The following ARRDC2 variants were observed in gnomAD, a reference collection of about 807,000 sequenced individuals.
The protein encoded by ARRDC2 is arrestin domain-containing protein 2.
Under a neutral mutation model 38.9 loss-of-function variants are expected in ARRDC2, and 39 were observed. The ratio of observed to expected loss-of-function variants is 1.00; its 90% CI spans 0.78 to 1.31. ARRDC2 has a LOEUF of 1.31. ARRDC2 is among the 50% of genes most tolerant of loss of function. The pLI is 0.00. For synonymous variants in ARRDC2, 300 were observed against 261.9 expected (o/e 1.15, Z -1.41); for missense variants, 553 against 588.4 (o/e 0.94, Z 0.62).
At chr19:18,005,433 C>T (rs2033252369), upstream of ARRDC2, among the ~76,000 whole-genome samples, 1 of 152,150 alleles carries the variant, frequency 6.6e-6, no homozygotes, top group South Asian at 2.1e-4. Flanking sequence ...TCAATCTTTT[C>T]CCCACCTTTC....
At chr19:18,008,133 C>CCCCCCCCCAAAAAAAA, upstream of ARRDC2, 13 of 1,290,740 alleles carry the variant, frequency 1.0e-5, no homozygotes, top group Non-Finnish European at 1.3e-5. Flanking sequence ...CCCCCCCCGC[C>CCCCCCCCCAAAAAAAA]CTGCCGTATA....
At chr19:18,004,691 CT>C (rs2033237775), upstream of ARRDC2, among the ~76,000 whole-genome samples, 1 of 145,322 alleles carries the variant, frequency 6.9e-6, no homozygotes, top group Non-Finnish European at 1.5e-5. Context: ...GAGACCCTGT[CT>C]CAAAAAAAAA....
upstream of ARRDC2, chr19:18,008,036 T>G: frequency 1.1e-6 from 1 of 917,674 alleles, no homozygotes. Flanking sequence ...CGTTTGTTAT[T>G]TTGCTCCACG....
At chr19:18,008,094 C>T, upstream of ARRDC2, 1 of 1,209,664 alleles carries the variant, frequency 8.3e-7, no homozygotes, top group Middle Eastern at 3.1e-4. Flanking sequence ...GAGTCCCTTC[C>T]CGGGGCGGGG....
intron 7 of ARRDC2, among the ~76,000 whole-genome samples, chr19:18,011,483 C>T (rs992799119): frequency 2.0e-5 from 3 of 152,144 alleles, no homozygotes; most frequent in Non-Finnish European, 2.9e-5. Context: ...AGTCGGCCCT[C>T]TGCGTTAGCT....
Position 18,008,778 on chromosome 19 carries a change from G to A in ARRDC2, c.341+1G>A, listed in dbSNP as rs776064808. 12 of 1,613,190 alleles carry A rather than the reference G, an allele frequency of 7.4e-6. No individual in the cohort carries two copies. The highest frequency in any genetic ancestry group is 2.2e-5 in the East Asian group (1 of 44,880). On this transcript the variant is annotated splice_donor_variant, in intron 2 of 7. Coordinates refer to ENST00000222250, the MANE Select transcript of ARRDC2 (RefSeq NM_015683.2). LOFTEE classifies it high-confidence loss of function. ...TCCTGTTCAGCTTCCAGCTGCCCCC[G>A]TAAGTCCTCTGGGGTGCAGGGTTGC...
intron 7 of ARRDC2, among the ~76,000 whole-genome samples, chr19:18,011,773 C>T (rs990758595): frequency 1.3e-5 from 2 of 151,456 alleles, no homozygotes; most frequent in Non-Finnish European, 2.9e-5. Flanking sequence ...GCAGGAGGAT[C>T]GCTTGAGCCC....
exon 1 of ARRDC2, chr19:18,001,314 C>T: frequency 8.3e-7 from 1 of 1,198,346 alleles, no homozygotes; most frequent in Admixed American, 4.2e-5. Flanking sequence ...AGCCGCGCGC[C>T]ATGCGCTCTG....
In ARRDC2 at chr19:18,008,280, C is replaced by G. The variant is rs748570095; in HGVS notation, c.-31C>G. The stretch of plus-strand genomic sequence containing the variant: ...CGGTTCGCGAGTTCGAGGCCAGGTT[C>G]CGCCTGTCGTGGGTTCGCACCCCGG... On this transcript the variant is annotated 5_prime_UTR_variant, in exon 1 of 8. Transcript: ENST00000222250. 5.1e-6 allele frequency: 8 copies of G among 1,578,744 alleles called. No individual in the cohort carries two copies. In the South Asian group the frequency reaches 7.8e-5, roughly 15 times the overall value.
chr19:18,007,452 G>C (rs1171033375), upstream of ARRDC2: 1 of 152,324 alleles, frequency 6.6e-6, no homozygotes, highest in East Asian at 1.9e-4. Flanking sequence ...GCCGAGGCGC[G>C]ACCGAGTGAC....
intron 3 of ARRDC2, 129 bp downstream of exon 3, chr19:18,009,247 G>C: frequency 2.7e-6 from 3 of 1,116,134 alleles, no homozygotes; most frequent in South Asian, 1.5e-5. Context: ...GCAGGTGTGG[G>C]AATGCGTGTG....
At position 18,010,247 on chromosome 19, in the gene ARRDC2, G is replaced by T. The variant is rs2033384461; in HGVS notation, c.901G>T (p.Val301Leu). The T allele has an allele frequency of 6.2e-7, 1 of 1,613,934 alleles. No individual in the cohort carries two copies. The highest frequency in any genetic ancestry group is 1.7e-5 in the Admixed American group (1 of 60,022). Reference sequence around the variant, plus strand: ...CAAGCTGCTGCTGGAGCTGCCACTGGTGATCGGCACCATTCCCTTGCACCC... The same window carrying T: ...CAAGCTGCTGCTGGAGCTGCCACTGTTGATCGGCACCATTCCCTTGCACCC... The part of the protein sequence containing the change: ...TSKLLLELPL[V>L]IGTIPLHPFG... Residue 301 changes from valine to leucine, a missense_variant, in exon 6 of 8, where the codon GTG (valine) becomes TTG (leucine). Val to Leu is a conservative substitution (Grantham distance 32). Coordinates refer to ENST00000222250, the MANE Select transcript of ARRDC2 (RefSeq NM_015683.2).
intron 3 of ARRDC2, 136 bp downstream of exon 3, chr19:18,009,254 T>TGCAGATCCCA: frequency 9.5e-7 from 1 of 1,052,654 alleles, no homozygotes; most frequent in South Asian, 1.5e-5. Context: ...TGGGAATGCG[T>TGCAGATCCCA]GTGGAATCCA....
upstream of ARRDC2, chr19:18,007,208 A>G (rs1403129904): frequency 6.6e-6 from 1 of 152,284 alleles, no homozygotes; most frequent in Non-Finnish European, 1.5e-5. Flanking sequence ...GAGAAACTCC[A>G]TGCGACTTTT....
In ARRDC2 at chr19:18,008,586, T is replaced by TA. The variant is rs771567731; in HGVS notation, c.274+3dup. ...ACCGCGCCACGCTCCTGGCGCCAGG[T>TA]ACGGATGGAGGACCCCTGCTCCAAC... On this transcript the variant is annotated splice_region_variant and intron_variant, in intron 1 of 7. Transcript: ENST00000222250. 3.4e-4 allele frequency: 546 copies of TA among 1,589,622 alleles called. 2 individuals carry two copies. In the Middle Eastern group the frequency reaches 6.3e-3, roughly 18 times the overall value.
intron 3 of ARRDC2, 21 bp downstream of exon 3, chr19:18,009,139 A>T: frequency 6.2e-7 from 1 of 1,611,494 alleles, no homozygotes; most frequent in South Asian, 1.1e-5. Context: ...ACCCTTGGGG[A>T]GGTAGGTTGG....
In ARRDC2 at chr19:18,009,044, TG is replaced by T; in HGVS notation, c.418del (p.Val140SerfsTer44). ...YCIKATLHRP[W>X]VPARRARKVF... ...TATCAAGGCCACCCTGCACCGGCCCTGGGTCCCAGCACGCCGGGCAAGGAAG... is the reference window on the plus strand; with the variant it reads ...TATCAAGGCCACCCTGCACCGGCCCTGGTCCCAGCACGCCGGGCAAGGAAG... On this transcript the variant is annotated frameshift_variant, in exon 3 of 8. Coordinates refer to ENST00000222250, the MANE Select transcript of ARRDC2 (RefSeq NM_015683.2). LOFTEE classifies it high-confidence loss of function. The T allele has an allele frequency of 6.2e-7, 1 of 1,613,606 alleles. No homozygotes were observed. Among genetic ancestry groups the T allele is most frequent in the East Asian group, 2.2e-5 (1 of 44,876 alleles).
rs2033443748 is a variant in ARRDC2, at chr19:18,012,955, A to G, written c.1213A>G (p.Met405Val). 5.0e-6 allele frequency: 8 copies of G among 1,613,976 alleles called. No homozygotes were observed. Among genetic ancestry groups the G allele is most frequent in the Non-Finnish European group, 6.8e-6 (8 of 1,179,962 alleles). Residue 405 changes from methionine (M) to valine (V), a missense_variant, in exon 8 of 8, where the codon ATG (methionine) becomes GTG (valine). Transcript: ENST00000222250. ...PLLGDMRPRCMTC is the reference protein window; with the variant it reads ...PLLGDMRPRCVTC Reference sequence around the variant, plus strand: ...CTTGGGGGACATGAGGCCGCGCTGCATGACTTGCTGAACGGCACAGGGACC... The same window carrying G: ...CTTGGGGGACATGAGGCCGCGCTGCGTGACTTGCTGAACGGCACAGGGACC...
rs2033447668 is a variant in ARRDC2 at position 18,013,139 on chromosome 19, G to A, written c.*173G>A. 8 of 651,374 alleles carry A rather than the reference G, an allele frequency of 1.2e-5. No individual in the cohort carries two copies. Among genetic ancestry groups the A allele is most frequent in the Admixed American group, 8.8e-5 (3 of 34,186 alleles). The allele number at this position is 651,374 out of a possible 1,614,324, so 40.3% of individuals were successfully genotyped here. ...ATCACATGGGACAGAGGAAGAGCCC[G>A]GCTGGAATCTGACTTACCTGGACCG... On this transcript the variant is annotated 3_prime_UTR_variant, in exon 8 of 8. Transcript: ENST00000222250.
Sources: gnomAD v4.1 joint callset for allele counts (sites outside exome capture counted in the v4.1 genomes callset) on GRCh38, gnomAD v4.1.1 for gene constraint, MANE v1.5 for transcripts, NCBI Gene and HGNC (gene_info 2026-07-23, HGNC 2026-07-21) for gene names.